The following MACROD2 variants were observed in gnomAD, a reference collection of about 807,000 sequenced individuals.
MACROD2 encodes ADP-ribose glycohydrolase MACROD2.
In MACROD2, 36 loss-of-function variants were observed where a neutral mutation model predicts 70.4. The ratio of observed to expected loss-of-function variants is 0.51; its 90% CI spans 0.39 to 0.68. The LOEUF is 0.68. Among genes scored for constraint, MACROD2 ranks in the 30% least tolerant of loss-of-function variants. MACROD2 has a pLI of 0.00. For missense variants in MACROD2, 496 were observed against 538.4 expected, an observed-to-expected ratio of 0.92 and a Z score of 0.78; for synonymous variants, 172 against 178.8, an observed-to-expected ratio of 0.96 and a Z score of 0.30.
At chr20:14,382,101 G>A (rs571533124) in intron 3 of MACROD2, among the ~76,000 whole-genome samples, 5 of 138,816 alleles carry the variant, frequency 3.6e-5, no homozygotes, top group South Asian at 4.5e-4. Flanking sequence ...TCGCTCTGTC[G>A]CCCAAGCTGG....
At chr20:15,208,380 A>G (rs1369800632) in intron 5 of MACROD2, among the ~76,000 whole-genome samples, 1 of 152,110 alleles carries the variant, frequency 6.6e-6, no homozygotes, top group Admixed American at 6.5e-5. Context: ...GTTCCTTTAA[A>G]ATCTTAGTTT....
intron 12 of MACROD2, among the ~76,000 whole-genome samples, chr20:15,942,228 T>A (rs1388826676): frequency 6.6e-6 from 1 of 152,170 alleles, no homozygotes; most frequent in Non-Finnish European, 1.5e-5. Context: ...GACTGGCTCA[T>A]GGATCAAGAG....
intron 5 of MACROD2, among the ~76,000 whole-genome samples, chr20:14,960,588 A>G (rs1255492094): frequency 6.6e-6 from 1 of 152,178 alleles, no homozygotes; most frequent in African/African-American, 2.4e-5. Flanking sequence ...TTTTTCACAA[A>G]CATTTTTATT....
intron 5 of MACROD2, among the ~76,000 whole-genome samples, chr20:15,028,469 C>G (rs1023143323): frequency 1.3e-5 from 2 of 152,200 alleles, no homozygotes; most frequent in African/African-American, 4.8e-5. Context: ...ATAAGTGTTA[C>G]TTTTATTATT....
chr20:15,907,042 A>G (rs550137239), intron 10 of MACROD2, among the ~76,000 whole-genome samples: 87 of 152,270 alleles, frequency 5.7e-4, no homozygotes, highest in African/African-American at 2.0e-3. Flanking sequence ...TAAACTTTCA[A>G]TTTATTCATT....
At chr20:14,328,124 T>C (rs2082768758) in intron 3 of MACROD2, among the ~76,000 whole-genome samples, 1 of 152,110 alleles carries the variant, frequency 6.6e-6, no homozygotes, top group Non-Finnish European at 1.5e-5. Context: ...CTCAAACCCA[T>C]AGTTTGCTTT....
chr20:15,927,995 G>A (rs1357577457), intron 10 of MACROD2, among the ~76,000 whole-genome samples: 1 of 152,204 alleles, frequency 6.6e-6, no homozygotes, highest in Non-Finnish European at 1.5e-5. Context: ...CACAACAACT[G>A]AATGCTGTAT....
chr20:15,132,991 T>G (rs1001410410), intron 5 of MACROD2, among the ~76,000 whole-genome samples: 4 of 152,092 alleles, frequency 2.6e-5, no homozygotes, highest in African/African-American at 9.6e-5. Flanking sequence ...GCTGGCTAAT[T>G]GTTGCAGAAA....
Position 15,003,759 on chromosome 20 carries a change from G to A in MACROD2, c.419-226181G>A, listed in dbSNP as rs937771485. On this transcript the variant is annotated intron_variant, in intron 5 of 17. Transcript: ENST00000684519. ...GCTACAGGCTGGAGAGAGGAGGGAA[G>A]CCTGAGGCCTGCTAAGGTATAGACA... 2.3e-4 allele frequency among the ~76,000 whole-genome samples: 35 copies of A among 152,180 alleles called. 1 individual carries two copies. Among genetic ancestry groups the A allele is most frequent in the Admixed American group, 4.6e-4 (7 of 15,284 alleles).
chr20:14,237,945 T>C (rs868601102), intron 3 of MACROD2, among the ~76,000 whole-genome samples: 1 of 152,068 alleles, frequency 6.6e-6, no homozygotes, highest in African/African-American at 2.4e-5. Flanking sequence ...AGTCTATCAT[T>C]GTTGGACCTT....
chr20:14,731,009 A>ACACACACACACACACAC (rs1555822607), intron 5 of MACROD2, among the ~76,000 whole-genome samples: 2 of 106,708 alleles, frequency 1.9e-5, no homozygotes, highest in African/African-American at 3.5e-5. Flanking sequence ...ACACACACAC[A>ACACACACACACACACAC]TGCACACACA....
chr20:15,115,879 G>A (rs2075988189), intron 5 of MACROD2, among the ~76,000 whole-genome samples: 1 of 152,158 alleles, frequency 6.6e-6, no homozygotes, highest in Non-Finnish European at 1.5e-5. Context: ...AGAAAGATCA[G>A]TTGGTGGTGC....
Position 15,591,586 on chromosome 20 carries a change from T to TAAA in MACROD2, c.645+91767_645+91769dup, listed in dbSNP as rs11471295. Among the ~76,000 whole-genome samples, 11 of 65,136 alleles carry TAAA rather than the reference T, an allele frequency of 1.7e-4. 1 individual carries two copies. The highest frequency in any genetic ancestry group is 5.7e-4 in the African/African-American group (8 of 14,034). The allele number at this position is 65,136 out of a possible 152,430, so 42.7% of individuals were successfully genotyped here. A position where few individuals can be genotyped will look rare whatever the true frequency, so the allele number is the denominator to read the frequency against. ...TCCTAGTTCTGAGGAAAGCCAGTACTAAAAAAAAAAAAAAAAAAAAAAAAA... is the reference window on the plus strand; with the variant it reads ...TCCTAGTTCTGAGGAAAGCCAGTACTAAAAAAAAAAAAAAAAAAAAAAAAAAAA... On this transcript the variant is annotated intron_variant, in intron 8 of 17. Coordinates refer to ENST00000684519, the MANE Select transcript of MACROD2 (RefSeq NM_001351661.2).
chr20:15,605,923 A>G lies in MACROD2; in HGVS notation c.645+106076A>G, dbSNP rs2048887311. On this transcript the variant is annotated intron_variant, in intron 8 of 17. Coordinates refer to ENST00000684519, the MANE Select transcript of MACROD2 (RefSeq NM_001351661.2). ...CAGGTAAATCACGATGCTTGCTGGT[A>G]TCTCTTCACAGATGTTCCACTGCCA... 3.3e-5 allele frequency among the ~76,000 whole-genome samples: 5 copies of G among 152,326 alleles called. No homozygotes were observed. The South Asian group carries it at 1.0e-3, about 32-fold the overall frequency.
chr20:16,020,577 C>T (rs1272823379), intron 15 of MACROD2, among the ~76,000 whole-genome samples: 1 of 150,042 alleles, frequency 6.7e-6, no homozygotes, highest in East Asian at 1.9e-4. Flanking sequence ...ATGTCTGCTA[C>T]GTAACGAAAG....
At position 14,645,615 on chromosome 20, in the gene MACROD2, C is replaced by T. The variant is rs1440156785; in HGVS notation, c.302-39228C>T. Among the ~76,000 whole-genome samples, 9 of 151,942 alleles carry T rather than the reference C, an allele frequency of 5.9e-5. 1 individual carries two copies. Among genetic ancestry groups the T allele is most frequent in the Admixed American group, 3.3e-4 (5 of 15,244 alleles). On this transcript the variant is annotated intron_variant, in intron 4 of 17. Coordinates refer to ENST00000684519, the MANE Select transcript of MACROD2 (RefSeq NM_001351661.2). The stretch of plus-strand genomic sequence containing the variant: ...CATAATTATTTAGCTATCATACTTC[C>T]GTGTGTAAGATTTCTAGAGCATCGC...
At chr20:15,306,555 A>G (rs1179872574) in intron 6 of MACROD2, among the ~76,000 whole-genome samples, 2 of 152,192 alleles carry the variant, frequency 1.3e-5, no homozygotes, top group African/African-American at 4.8e-5. Flanking sequence ...GCTAGAAGCT[A>G]TGCTCTTAAC....
At chr20:14,173,830 C>T (rs2081242606) in intron 3 of MACROD2, among the ~76,000 whole-genome samples, 1 of 152,176 alleles carries the variant, frequency 6.6e-6, no homozygotes, top group Non-Finnish European at 1.5e-5. Context: ...GTGGTGCTTT[C>T]CCTCTTCCCC....
intron 6 of MACROD2, among the ~76,000 whole-genome samples, chr20:15,406,746 C>A (rs1251607141): frequency 2.0e-5 from 3 of 152,090 alleles, no homozygotes; most frequent in Non-Finnish European, 4.4e-5. Context: ...CCAGAATAAA[C>A]AAAGCTTATG....
Sources: allele counts gnomAD v4.1 joint callset (sites outside exome capture counted in the v4.1 genomes callset), GRCh38; gene constraint gnomAD v4.1.1; transcripts MANE v1.5; gene names NCBI Gene and HGNC (gene_info 2026-07-23, HGNC 2026-07-21).